Variants in ASTN2 observed in about 807,000 individuals in gnomAD.
The protein encoded by ASTN2 is astrotactin 2, also known as astrotactin-2.
In ASTN2, 54 loss-of-function variants were observed where a neutral mutation model predicts 139.8. The ratio of observed to expected loss-of-function variants is 0.39; its 90% CI spans 0.31 to 0.48. The LOEUF (loss-of-function observed/expected upper bound fraction) is 0.48, where lower values mean the gene tolerates loss of function less well. Among genes scored for constraint, ASTN2 ranks in the 20% least tolerant of loss-of-function variants. The probability of loss-of-function intolerance (pLI) is 0.95; values close to 1 mark genes in which losing one functional copy is unlikely to be tolerated. For synonymous variants in ASTN2, 756 were observed against 719.5 expected (o/e 1.05, Z -0.81); for missense variants, 1,565 against 1,725.1 (o/e 0.91, Z 1.64).
At chr9:116,591,104 C>G (rs368199802) in intron 19 of ASTN2, among the ~76,000 whole-genome samples, 1 of 152,336 alleles carries the variant, frequency 6.6e-6, no homozygotes. Flanking sequence ...TTGAAAGACA[C>G]CCCTTGCTCA....
At chr9:117,060,957 C>T (rs961410257) in intron 5 of ASTN2, among the ~76,000 whole-genome samples, 7 of 151,942 alleles carry the variant, frequency 4.6e-5, no homozygotes, top group Non-Finnish European at 8.8e-5. Flanking sequence ...ATAGAATTTA[C>T]ACTAGGAAAA....
chr9:116,879,741 G>A (rs995291606), intron 10 of ASTN2, among the ~76,000 whole-genome samples: 5 of 152,112 alleles, frequency 3.3e-5, no homozygotes, highest in African/African-American at 1.2e-4. Flanking sequence ...AGCCCATAAC[G>A]AAGATCAATA....
intron 20 of ASTN2, among the ~76,000 whole-genome samples, chr9:116,466,484 C>T (rs980747079): frequency 2.0e-5 from 3 of 152,144 alleles, no homozygotes; most frequent in African/African-American, 7.2e-5. Flanking sequence ...TTCCTACCAG[C>T]CCATTCTCTC....
At chr9:117,177,404 C>T (rs946360294) in intron 3 of ASTN2, among the ~76,000 whole-genome samples, 2 of 152,066 alleles carry the variant, frequency 1.3e-5, no homozygotes, top group Admixed American at 6.5e-5. Context: ...TTCTCTCCAC[C>T]GCCCGGTGTT....
At chr9:116,507,761 G>A (rs1324992026) in intron 19 of ASTN2, among the ~76,000 whole-genome samples, 1 of 152,214 alleles carries the variant, frequency 6.6e-6, no homozygotes, top group Middle Eastern at 3.4e-3. Context: ...CTGCAAACTC[G>A]ATCCTCAGGT....
At chr9:117,409,659 AG>A (rs890052861) in intron 1 of ASTN2, among the ~76,000 whole-genome samples, 11 of 152,188 alleles carry the variant, frequency 7.2e-5, no homozygotes, top group Admixed American at 7.2e-4. Context: ...CTTTAGGGAC[AG>A]GGTCTCCCCC....
At chr9:116,670,364 A>G (rs943944003) in intron 16 of ASTN2, among the ~76,000 whole-genome samples, 5 of 152,014 alleles carry the variant, frequency 3.3e-5, no homozygotes, top group Non-Finnish European at 5.9e-5. Context: ...CAGGAGGTAG[A>G]AGGGCTGGTC....
chr9:116,509,050 G>A (rs934618043), intron 19 of ASTN2, among the ~76,000 whole-genome samples: 10 of 151,926 alleles, frequency 6.6e-5, no homozygotes, highest in South Asian at 4.2e-4. Context: ...GGGTACATGC[G>A]TACAACGTGC....
At chr9:116,677,989 T>A (rs1264711486) in intron 16 of ASTN2, among the ~76,000 whole-genome samples, 1 of 152,214 alleles carries the variant, frequency 6.6e-6, no homozygotes, top group Non-Finnish European at 1.5e-5. Flanking sequence ...GAGCTCTGAT[T>A]AATTGGCTTA....
At chr9:116,479,220 T>C (rs1849090306) in intron 20 of ASTN2, among the ~76,000 whole-genome samples, 1 of 152,298 alleles carries the variant, frequency 6.6e-6, no homozygotes, top group African/African-American at 2.4e-5. Flanking sequence ...AAGCAAGCCC[T>C]GGAGGGCTCC....
chr9:116,614,536 T>C (rs1855735887), intron 19 of ASTN2, among the ~76,000 whole-genome samples: 2 of 152,082 alleles, frequency 1.3e-5, no homozygotes, highest in Non-Finnish European at 2.9e-5. Context: ...TATAGACCAA[T>C]GGAACACAAT....
chr9:117,207,044 C>A (rs1428617955), intron 3 of ASTN2, among the ~76,000 whole-genome samples: 4 of 151,920 alleles, frequency 2.6e-5, no homozygotes, highest in African/African-American at 9.7e-5. Context: ...CCTGAACAGC[C>A]CCATCAGCCA....
intron 20 of ASTN2, among the ~76,000 whole-genome samples, chr9:116,474,987 T>C (rs1410360552): frequency 6.6e-6 from 1 of 152,192 alleles, no homozygotes; most frequent in Non-Finnish European, 1.5e-5. Context: ...TTCCCATGTA[T>C]CATTCCTGGC....
chr9:116,472,366 A>C (rs1028173090), intron 20 of ASTN2, among the ~76,000 whole-genome samples: 1 of 151,928 alleles, frequency 6.6e-6, no homozygotes, highest in Non-Finnish European at 1.5e-5. Context: ...GCTCAAAGGC[A>C]CCTCCCCAAA....
intron 10 of ASTN2, among the ~76,000 whole-genome samples, chr9:116,959,029 G>A (rs1413198233): frequency 1.3e-5 from 2 of 152,174 alleles, no homozygotes; most frequent in African/African-American, 4.8e-5. Flanking sequence ...ATAAGTGCCT[G>A]GAGAGAGGAA....
At chr9:116,482,854 C>T (rs1031779112) in intron 20 of ASTN2, among the ~76,000 whole-genome samples, 6 of 152,166 alleles carry the variant, frequency 3.9e-5, no homozygotes, top group African/African-American at 7.2e-5. Context: ...GAGGTGAGGG[C>T]GGGTCTGGGG....
chr9:116,802,967 C>A (rs1830903362), intron 13 of ASTN2, among the ~76,000 whole-genome samples: 1 of 147,994 alleles, frequency 6.8e-6, no homozygotes, highest in Non-Finnish European at 1.5e-5. Flanking sequence ...CTTTGAGAAG[C>A]CCTTTATCTT....
At chr9:116,769,728 T>G (rs1002006465) in intron 13 of ASTN2, among the ~76,000 whole-genome samples, 2 of 152,122 alleles carry the variant, frequency 1.3e-5, no homozygotes, top group African/African-American at 4.8e-5. Flanking sequence ...TGCCTGATGA[T>G]CTCACTTGTA....
intron 7 of ASTN2, among the ~76,000 whole-genome samples, chr9:116,994,680 A>T (rs1014606382): frequency 6.6e-6 from 1 of 152,230 alleles, no homozygotes; most frequent in Non-Finnish European, 1.5e-5. Context: ...TAAATGGCCA[A>T]TAATGGCTAA....
Sources: gnomAD v4.1 joint callset for allele counts (sites outside exome capture counted in the v4.1 genomes callset) on GRCh38, gnomAD v4.1.1 for gene constraint, MANE v1.5 for transcripts, NCBI Gene and HGNC (gene_info 2026-07-23, HGNC 2026-07-21) for gene names.